Variants in GLIPR1 observed in about 807,000 individuals in gnomAD.
The protein encoded by GLIPR1 is GLI pathogenesis related 1.
Under a neutral mutation model 30.3 loss-of-function variants are expected in GLIPR1, and 38 were observed. The observed-to-expected ratio is 1.26, with a 90% CI of 0.97 to 1.65. The LOEUF is 1.65. GLIPR1 is among the 40% of genes most tolerant of loss of function. GLIPR1 has a pLI of 0.00. For synonymous variants in GLIPR1, 122 were observed against 110.6 expected (o/e 1.10, Z -0.65); for missense variants, 285 against 326.5 (o/e 0.87, Z 0.98).
At chr12:75,483,147 T>A (rs929931186) in intron 2 of GLIPR1, among the ~76,000 whole-genome samples, 3 of 152,150 alleles carry the variant, frequency 2.0e-5, no homozygotes, top group African/African-American at 7.2e-5. Flanking sequence ...AAGAGTAAAA[T>A]GAATTTCTCC....
intron 2 of GLIPR1, among the ~76,000 whole-genome samples, chr12:75,486,631 C>A (rs1367436089): frequency 6.6e-6 from 1 of 152,176 alleles, no homozygotes; most frequent in Non-Finnish European, 1.5e-5. Flanking sequence ...AACTGTGCTA[C>A]ATCCACGTAA....
chr12:75,490,583 CA>C (rs55774067), intron 3 of GLIPR1, 65 bp downstream of exon 3: 73,426 of 102,132 alleles, frequency 0.72, 30,333 homozygotes, highest in East Asian at 0.88. Flanking sequence ...AAAACAACAA[CA>C]AAAAAAAACA....
chr12:75,501,900 G>A lies in GLIPR1; in HGVS notation c.*2922G>A, dbSNP rs1347860972. Reference sequence around the variant, plus strand: ...TATCTATGAACTTTGCTATTCATGTGAGCCAGACATAAAGTGCCGTACCTT... The same window carrying A: ...TATCTATGAACTTTGCTATTCATGTAAGCCAGACATAAAGTGCCGTACCTT... On this transcript the variant is annotated 3_prime_UTR_variant, in exon 6 of 6. Coordinates refer to ENST00000266659, the MANE Select transcript of GLIPR1 (RefSeq NM_006851.3). The A allele has an allele frequency of 1.2e-6, 2 of 1,604,828 alleles. No homozygotes were observed. Among genetic ancestry groups the A allele is most frequent in the East Asian group, 2.3e-5 (1 of 43,532 alleles).
rs1011012261 is a variant in GLIPR1 at position 75,503,621 on chromosome 12, C to T, written c.*4643C>T. 2 of 237,804 alleles carry T rather than the reference C, an allele frequency of 8.4e-6. No homozygotes were observed. Among genetic ancestry groups the T allele is most frequent in the South Asian group, 1.6e-4 (1 of 6,178 alleles). 14.7% of individuals were successfully genotyped at this position (237,804 alleles called of 1,614,324 possible). ...TGCCAAATCAGAGAAAAGAGTATTGCAGACTAAACGAACTTTTATCCATGG... is the reference window on the plus strand; with the variant it reads ...TGCCAAATCAGAGAAAAGAGTATTGTAGACTAAACGAACTTTTATCCATGG... On this transcript the variant is annotated 3_prime_UTR_variant, in exon 6 of 6. Transcript: ENST00000266659.
intron 4 of GLIPR1, 183 bp from the exon 5 acceptor site, chr12:75,498,511 A>G: frequency 1.9e-6 from 1 of 536,352 alleles, no homozygotes; most frequent in East Asian, 2.9e-5. Flanking sequence ...TAAAAAGTCA[A>G]CTTAAAAATA....
chr12:75,490,328 C>T, intron 2 of GLIPR1, 78 bp from the exon 3 acceptor site: 1 of 803,946 alleles, frequency 1.2e-6, no homozygotes, highest in East Asian at 2.5e-5. Context: ...GTATACCTCA[C>T]CATGTTTATG....
At chr12:75,493,920 C>G (rs760043267) in intron 3 of GLIPR1, 1 of 152,138 alleles carries the variant, frequency 6.6e-6, no homozygotes. Flanking sequence ...GTTTGGAATG[C>G]ACAACTAAGT....
intron 3 of GLIPR1, chr12:75,493,726 T>A (rs145136798): frequency 6.6e-6 from 1 of 152,210 alleles, no homozygotes; most frequent in Non-Finnish European, 1.5e-5. Context: ...CATTGAAATG[T>A]CCTGTTGCTT....
At chr12:75,495,377 T>C (rs900118831) in intron 3 of GLIPR1, 200 bp from the exon 4 acceptor site, 8 of 490,260 alleles carry the variant, frequency 1.6e-5, no homozygotes, top group African/African-American at 5.8e-5. Flanking sequence ...AACAGGTGCA[T>C]AGACACAGGT....
At chr12:75,485,564 T>TATTTA (rs71078738) in intron 2 of GLIPR1, among the ~76,000 whole-genome samples, 3 of 148,924 alleles carry the variant, frequency 2.0e-5, no homozygotes, top group East Asian at 2.0e-4. Flanking sequence ...TTTATTTATT[T>TATTTA]TTTTGAGACG....
chr12:75,485,771 C>T (rs2046291604), intron 2 of GLIPR1, among the ~76,000 whole-genome samples: 1 of 151,946 alleles, frequency 6.6e-6, no homozygotes, highest in South Asian at 2.1e-4. Flanking sequence ...GGGATGGTCT[C>T]GATCTCCTGA....
chr12:75,481,961 G>C lies in GLIPR1; in HGVS notation c.302G>C (p.Trp101Ser). ...PNFTSLGENI[W>S]TGSVPIFSVS... ...TTCACTTCACTGGGAGAGAACATCTGGACTGGGTCTGTGCCCATTTTTTCT... is the reference window on the plus strand; with the variant it reads ...TTCACTTCACTGGGAGAGAACATCTCGACTGGGTCTGTGCCCATTTTTTCT... The change falls in exon 2 of 6, where the codon TGG (tryptophan) becomes TCG (serine). Residue 101 changes from tryptophan to serine, a missense_variant. Transcript: ENST00000266659. The C allele has an allele frequency of 6.2e-7, 1 of 1,614,154 alleles. No homozygotes were observed. Among genetic ancestry groups the C allele is most frequent in the Non-Finnish European group, 8.5e-7 (1 of 1,180,024 alleles).
intron 2 of GLIPR1, among the ~76,000 whole-genome samples, chr12:75,488,934 T>C (rs1041638113): frequency 5.9e-5 from 9 of 152,268 alleles, no homozygotes; most frequent in Non-Finnish European, 1.3e-4. Context: ...GCTCACTCAA[T>C]TTTGAATGTA....
rs1389657846 is a variant in GLIPR1, at chr12:75,490,565, C to A, written c.533+47C>A. On this transcript the variant is annotated intron_variant, in intron 3 of 5. Transcript: ENST00000266659. Reference sequence around the variant, plus strand: ...TTTATAGGAAACGCCCCCCCCCCCCCGCAAAAAAAAACAACAACAAAAAAA... The same window carrying A: ...TTTATAGGAAACGCCCCCCCCCCCCAGCAAAAAAAAACAACAACAAAAAAA... The A allele has an allele frequency of 3.0e-5, 4 of 132,540 alleles. 1 individual carries two copies. Among genetic ancestry groups the A allele is most frequent in the Non-Finnish European group, 4.7e-5 (4 of 84,620 alleles). The allele number at this position is 132,540 out of a possible 1,614,324, so 8.2% of individuals were successfully genotyped here.
At position 75,499,724 on chromosome 12, in the gene GLIPR1, T is replaced by C. The variant is rs1594064843; in HGVS notation, c.*746T>C. 2 of 1,015,330 alleles carry C rather than the reference T, an allele frequency of 2.0e-6. No individual in the cohort carries two copies. The highest frequency in any genetic ancestry group is 2.8e-6 in the Non-Finnish European group (2 of 725,462). The allele number at this position is 1,015,330 out of a possible 1,614,324, so 62.9% of individuals were successfully genotyped here. A position where few individuals can be genotyped will look rare whatever the true frequency, so the allele number is the denominator to read the frequency against. On this transcript the variant is annotated 3_prime_UTR_variant, in exon 6 of 6. Transcript: ENST00000266659. Reference sequence around the variant, plus strand: ...AAAAAAAAAAAAAGCCCTCAGAAAATTTCTCACAAATAAGGCAACTAATGC... The same window carrying C: ...AAAAAAAAAAAAAGCCCTCAGAAAACTTCTCACAAATAAGGCAACTAATGC...
intron 4 of GLIPR1, 161 bp downstream of exon 4, chr12:75,495,823 T>C (rs2046347264): frequency 2.2e-6 from 1 of 450,096 alleles, no homozygotes; most frequent in Non-Finnish European, 4.1e-6. Context: ...GGAATACATT[T>C]AAGAGAAATT....
intron 4 of GLIPR1, 145 bp downstream of exon 4, chr12:75,495,807 G>A (rs2046347086): frequency 3.9e-6 from 2 of 507,932 alleles, no homozygotes; most frequent in Non-Finnish European, 7.2e-6. Context: ...ATGGCTTACT[G>A]TTCTAGGAAT....
In GLIPR1 at chr12:75,503,847, G is replaced by T; in HGVS notation, c.*4869G>T. The T allele has an allele frequency of 6.8e-7, 1 of 1,463,316 alleles. No homozygotes were observed. Among genetic ancestry groups the T allele is most frequent in the South Asian group, 1.3e-5 (1 of 76,838 alleles). The allele number at this position is 1,463,316 out of a possible 1,614,324, so 90.6% of individuals were successfully genotyped here. ...CTGAAATACTTTCAATAAAGTTTCT[G>T]ACCAAATACATTAAAATAGATTCTC... On this transcript the variant is annotated 3_prime_UTR_variant, in exon 6 of 6. Transcript: ENST00000266659.
chr12:75,502,869 CT>C lies in GLIPR1; in HGVS notation c.*3894del, dbSNP rs1189857054. On this transcript the variant is annotated 3_prime_UTR_variant, in exon 6 of 6. Transcript: ENST00000266659. Reference sequence around the variant, plus strand: ...ATGGTTTAATGACTGCATCACTCCACTTTCCCCCTAACTACTATCAATTTCC... The same window carrying C: ...ATGGTTTAATGACTGCATCACTCCACTTCCCCCTAACTACTATCAATTTCC... The C allele has an allele frequency of 6.6e-6, 1 of 152,018 alleles. No individual in the cohort carries two copies. Among genetic ancestry groups the C allele is most frequent in the Non-Finnish European group, 1.5e-5 (1 of 67,932 alleles). The allele number at this position is 152,018 out of a possible 1,614,324, so 9.4% of individuals were successfully genotyped here.
Sources: allele counts gnomAD v4.1 joint callset (sites outside exome capture counted in the v4.1 genomes callset), GRCh38; gene constraint gnomAD v4.1.1; transcripts MANE v1.5; gene names NCBI Gene and HGNC (gene_info 2026-07-23, HGNC 2026-07-21).